MEIS2: variants seen among roughly 807,000 people sequenced by gnomAD.
The protein encoded by MEIS2 is homeobox protein Meis2.
In MEIS2, 9 loss-of-function variants were observed where a neutral mutation model predicts 58.6. That is an observed-to-expected ratio of 0.15 (90% CI 0.09 to 0.27). The LOEUF (loss-of-function observed/expected upper bound fraction) is 0.27. Ranked by LOEUF, MEIS2 falls within the 10% of genes least tolerant of loss-of-function variation. MEIS2 has a pLI of 1.00. For missense variants in MEIS2, 427 were observed against 635.0 expected (o/e 0.67, Z 3.52); for synonymous variants, 221 against 228.4 (o/e 0.97, Z 0.29).
intron 1 of MEIS2, chr15:37,098,417 A>G (rs1368809964): frequency 7.4e-6 from 9 of 1,214,022 alleles, no homozygotes; most frequent in Non-Finnish European, 9.3e-6. Flanking sequence ...AGAGAGAGAG[A>G]GAGAGAGAAA....
intron 8 of MEIS2, among the ~76,000 whole-genome samples, chr15:37,005,179 G>A (rs896650871): frequency 6.6e-6 from 1 of 152,188 alleles, no homozygotes; most frequent in African/African-American, 2.4e-5. Context: ...GTTCATTAAC[G>A]CATGCCCTCA....
chr15:36,957,064 T>G (rs1271225227), intron 8 of MEIS2, among the ~76,000 whole-genome samples: 1 of 152,198 alleles, frequency 6.6e-6, no homozygotes, highest in Non-Finnish European at 1.5e-5. Context: ...ATCAGAGTAG[T>G]GATCCCAATA....
intron 7 of MEIS2, among the ~76,000 whole-genome samples, chr15:37,054,644 TG>T (rs762327443): frequency 9.3e-4 from 141 of 152,236 alleles, no homozygotes; most frequent in Non-Finnish European, 1.7e-3. Context: ...GTCTCCAACT[TG>T]TGAGCTCAAG....
At chr15:36,983,146 G>A (rs185707754) in intron 8 of MEIS2, among the ~76,000 whole-genome samples, 84 of 152,104 alleles carry the variant, frequency 5.5e-4, no homozygotes, top group African/African-American at 2.0e-3. Context: ...AACCTGTTTA[G>A]TTTGATGCAA....
chr15:37,030,696 A>G (rs1257411475), intron 8 of MEIS2, among the ~76,000 whole-genome samples: 1 of 151,776 alleles, frequency 6.6e-6, no homozygotes, highest in Non-Finnish European at 1.5e-5. Context: ...TTTGTCACCC[A>G]GCCTGGAGTA....
rs2055801073 is a variant in MEIS2, at chr15:36,890,397, G to GA, written c.*1775dup. The GA allele has an allele frequency of 6.6e-6, 1 of 152,116 alleles. No individual in the cohort carries two copies. Among genetic ancestry groups the GA allele is most frequent in the East Asian group, 1.9e-4 (1 of 5,174 alleles). The allele number at this position is 152,116 out of a possible 1,614,324, so 9.4% of individuals were successfully genotyped here. ...TCCATTTTGTTTTGTTTTGTTTTCA[G>GA]AAAAAAGTTTAAGTTTAGTTATCAA... On this transcript the variant is annotated 3_prime_UTR_variant, in exon 12 of 12. Transcript: ENST00000561208.
chr15:37,050,580 C>A (rs2062874121), intron 7 of MEIS2, among the ~76,000 whole-genome samples: 1 of 152,044 alleles, frequency 6.6e-6, no homozygotes, highest in African/African-American at 2.4e-5. Context: ...GGAAGAGTAT[C>A]CGACATACTT....
intron 9 of MEIS2, among the ~76,000 whole-genome samples, chr15:36,941,414 C>A (rs548110906): frequency 3.3e-4 from 50 of 152,282 alleles, no homozygotes; most frequent in Non-Finnish European, 5.3e-4. Context: ...CTACCACCAC[C>A]ACCATGACTA....
chr15:36,926,381 T>A (rs1389630168), intron 9 of MEIS2, among the ~76,000 whole-genome samples: 1 of 152,206 alleles, frequency 6.6e-6, no homozygotes, highest in African/African-American at 2.4e-5. Flanking sequence ...AATTTCTCTC[T>A]TCACATTAAA....
rs535763917 is a variant in MEIS2 at position 37,030,072 on chromosome 15, C to T, written c.900+6742G>A. Among the ~76,000 whole-genome samples the T allele has an allele frequency of 2.6e-4, 40 of 152,282 alleles. No individual in the cohort carries two copies. The South Asian group carries it at 8.1e-3, about 31-fold the overall frequency. ...TGCAGACAGCCTAGACTTTCACACT[C>T]TAAGGAAGATAGCAACTCTATATTC... On this transcript the variant is annotated intron_variant, in intron 8 of 11. Coordinates refer to ENST00000561208, the MANE Select transcript of MEIS2 (RefSeq NM_170675.5).
chr15:36,939,275 A>C (rs2058290439), intron 9 of MEIS2, among the ~76,000 whole-genome samples: 1 of 152,204 alleles, frequency 6.6e-6, no homozygotes, highest in Non-Finnish European at 1.5e-5. Flanking sequence ...CATACCTACT[A>C]AGAGTTATAC....
At position 37,100,534 on chromosome 15, in the gene MEIS2, G is replaced by C. The variant is rs1245425058; in HGVS notation, c.-1068C>G. 1.5e-5 allele frequency: 2 copies of C among 132,448 alleles called. No individual in the cohort carries two copies. Among genetic ancestry groups the C allele is most frequent in the Non-Finnish European group, 3.1e-5 (2 of 63,956 alleles). The allele number at this position is 132,448 out of a possible 1,614,324, so 8.2% of individuals were successfully genotyped here. A position where few individuals can be genotyped will look rare whatever the true frequency, so the allele number is the denominator to read the frequency against. On this transcript the variant is annotated 5_prime_UTR_variant, in exon 1 of 12. It adds an upstream start codon to the 5' untranslated region. Transcript: ENST00000561208. Reference sequence around the variant, plus strand: ...GAGGAGCGCGCCGCGCCGAGCCTCTGATATGCAACGAGTGCGATCGGACAG... The same window carrying C: ...GAGGAGCGCGCCGCGCCGAGCCTCTCATATGCAACGAGTGCGATCGGACAG...
intron 7 of MEIS2, among the ~76,000 whole-genome samples, chr15:37,083,256 T>C (rs901516467): frequency 1.3e-5 from 2 of 152,198 alleles, no homozygotes; most frequent in Admixed American, 1.3e-4. Flanking sequence ...TGGGGACAAA[T>C]AATCCTCTAA....
At chr15:37,063,458 C>T (rs1004896462) in intron 7 of MEIS2, among the ~76,000 whole-genome samples, 1 of 152,136 alleles carries the variant, frequency 6.6e-6, no homozygotes, top group African/African-American at 2.4e-5. Context: ...CTAGATATTC[C>T]AGGTAAAGGG....
chr15:36,957,928 C>G (rs2059043826), intron 8 of MEIS2, among the ~76,000 whole-genome samples: 1 of 152,156 alleles, frequency 6.6e-6, no homozygotes, highest in Non-Finnish European at 1.5e-5. Flanking sequence ...TTGAAAACAT[C>G]TCTGAATTTT....
intron 7 of MEIS2, among the ~76,000 whole-genome samples, chr15:37,042,857 G>A (rs74008836): frequency 0.028 from 4,217 of 152,210 alleles, 192 homozygotes; most frequent in African/African-American, 0.095. Context: ...GGAGAGCACC[G>A]GACTGACCCT....
intron 8 of MEIS2, chr15:37,036,573 TA>T: frequency 5.0e-6 from 2 of 403,150 alleles, no homozygotes; most frequent in Non-Finnish European, 8.8e-6. Flanking sequence ...TTTAGGGTCT[TA>T]GATCATTTTA....
chr15:36,970,378 T>C (rs2059506113), intron 8 of MEIS2, among the ~76,000 whole-genome samples: 1 of 147,044 alleles, frequency 6.8e-6, no homozygotes, highest in African/African-American at 2.5e-5. Context: ...CACTCCAGCC[T>C]GGGCGACAGA....
At chr15:36,970,285 TC>T (rs1229573675) in intron 8 of MEIS2, among the ~76,000 whole-genome samples, 1 of 151,732 alleles carries the variant, frequency 6.6e-6, no homozygotes, top group African/African-American at 2.4e-5. Flanking sequence ...GCGCCTGTAG[TC>T]CCAGCTACTC....
Sources: gnomAD v4.1 joint callset for allele counts (sites outside exome capture counted in the v4.1 genomes callset) on GRCh38, gnomAD v4.1.1 for gene constraint, MANE v1.5 for transcripts, NCBI Gene and HGNC (gene_info 2026-07-23, HGNC 2026-07-21) for gene names.